XXYLT1: variants seen among roughly 807,000 people sequenced by gnomAD.
The protein encoded by XXYLT1 is xyloside xylosyltransferase 1, also known as UDP-xylose:alpha-xyloside alpha-1,3-xylosyltransferase.
Under a neutral mutation model 28.9 loss-of-function variants are expected in XXYLT1, and 20 were observed. The observed-to-expected ratio is 0.69, with a 90% CI of 0.49 to 1.00. The LOEUF is 1.00. XXYLT1 is among the 50% of genes least tolerant of loss of function. XXYLT1 has a pLI of 0.00. For synonymous variants in XXYLT1, 257 were observed against 253.8 expected, an observed-to-expected ratio of 1.01 and a Z score of -0.12; for missense variants, 542 against 560.1, an observed-to-expected ratio of 0.97 and a Z score of 0.33.
At chr3:195,215,917 G>T (rs1577157903) in intron 2 of XXYLT1, among the ~76,000 whole-genome samples, 1 of 151,988 alleles carries the variant, frequency 6.6e-6, no homozygotes, top group African/African-American at 2.4e-5. Flanking sequence ...ACCACATACT[G>T]GGAAGTAAAG....
intron 2 of XXYLT1, among the ~76,000 whole-genome samples, chr3:195,177,839 G>A (rs1039302571): frequency 6.6e-6 from 1 of 151,788 alleles, no homozygotes; most frequent in African/African-American, 2.4e-5. Context: ...GGAGGCTGAA[G>A]TGGGGTAATT....
chr3:195,169,727 AAC>A (rs1159691472), intron 2 of XXYLT1, among the ~76,000 whole-genome samples: 1 of 151,794 alleles, frequency 6.6e-6, no homozygotes, highest in Non-Finnish European at 1.5e-5. Context: ...ACTATATACA[AAC>A]ACACACACAC....
At chr3:195,179,150 G>A (rs992952086) in intron 2 of XXYLT1, among the ~76,000 whole-genome samples, 1 of 151,952 alleles carries the variant, frequency 6.6e-6, no homozygotes, top group Non-Finnish European at 1.5e-5. Context: ...GACCATCTTG[G>A]GCAATATGGT....
Position 195,238,066 on chromosome 3 carries a change from G to A in XXYLT1, c.505-11210C>T, listed in dbSNP as rs146928815. On this transcript the variant is annotated intron_variant, in intron 1 of 3. Coordinates refer to ENST00000310380, the MANE Select transcript of XXYLT1 (RefSeq NM_152531.5). ...TCTCCCTGGCTTCAAGACCTCCGAC[G>A]ACTCGTCGCTCCCTTAGTTACAGTC... is the stretch of plus-strand genomic sequence containing the variant. Among the ~76,000 whole-genome samples the A allele has an allele frequency of 2.0e-3, 303 of 152,180 alleles. 2 individuals carry two copies. The highest frequency in any genetic ancestry group is 6.7e-3 in the African/African-American group (279 of 41,506).
intron 2 of XXYLT1, among the ~76,000 whole-genome samples, chr3:195,212,074 G>A (rs1323673322): frequency 7.3e-6 from 1 of 137,380 alleles, no homozygotes; most frequent in Non-Finnish European, 1.5e-5. Context: ...AGGAGAGGGG[G>A]CAAGCCACGG....
At chr3:195,233,071 G>C (rs1390763458) in intron 1 of XXYLT1, among the ~76,000 whole-genome samples, 1 of 152,090 alleles carries the variant, frequency 6.6e-6, no homozygotes, top group East Asian at 1.9e-4. Context: ...AGTGTTGGAT[G>C]CATATATAAC....
intron 1 of XXYLT1, among the ~76,000 whole-genome samples, chr3:195,261,023 C>A (rs926145694): frequency 6.6e-6 from 1 of 152,238 alleles, no homozygotes; most frequent in African/African-American, 2.4e-5. Flanking sequence ...TCCTGAAGTG[C>A]CTCCTGCTGC....
At position 195,195,848 on chromosome 3, in the gene XXYLT1, C is replaced by T. The variant is rs1452006042; in HGVS notation, c.652+30861G>A. Reference sequence around the variant, plus strand: ...CCATGGTCTAGACACAGTCCTGTTGCATTGAAGTATCCAATGAGCTCCAGT... The same window carrying T: ...CCATGGTCTAGACACAGTCCTGTTGTATTGAAGTATCCAATGAGCTCCAGT... On this transcript the variant is annotated intron_variant, in intron 2 of 3. Coordinates refer to ENST00000310380, the MANE Select transcript of XXYLT1 (RefSeq NM_152531.5). The surrounding 1 kb of genome is among the most constrained non-coding windows in gnomAD (Gnocchi z 4.4). Among the ~76,000 whole-genome samples, 2 of 152,198 alleles carry T rather than the reference C, an allele frequency of 1.3e-5. No individual in the cohort carries two copies. The highest frequency in any genetic ancestry group is 4.8e-5 in the African/African-American group (2 of 41,442).
intron 1 of XXYLT1, among the ~76,000 whole-genome samples, chr3:195,242,780 T>C (rs1317028722): frequency 2.0e-5 from 3 of 152,202 alleles, no homozygotes; most frequent in African/African-American, 7.2e-5. Context: ...CATGATGTTC[T>C]GAACACAAGG....
intron 3 of XXYLT1, among the ~76,000 whole-genome samples, chr3:195,072,748 A>G (rs955685248): frequency 6.6e-6 from 1 of 152,178 alleles, no homozygotes. Context: ...AGCGATGTTC[A>G]GGGGGCCCTT....
chr3:195,087,743 G>T (rs1269038589), intron 3 of XXYLT1, among the ~76,000 whole-genome samples: 2 of 152,338 alleles, frequency 1.3e-5, no homozygotes, highest in African/African-American at 4.8e-5. Context: ...GCAGAAGACG[G>T]TGATTTCTGC....
intron 1 of XXYLT1, among the ~76,000 whole-genome samples, chr3:195,250,755 T>C (rs540702951): frequency 2.0e-5 from 3 of 152,324 alleles, no homozygotes; most frequent in African/African-American, 7.2e-5. Context: ...AACGAGACAT[T>C]TTAACAGCTC....
At chr3:195,110,182 G>GCA in intron 3 of XXYLT1, among the ~76,000 whole-genome samples, 1 of 71,650 alleles carries the variant, frequency 1.4e-5, no homozygotes, top group Non-Finnish European at 3.5e-5. Context: ...GAGTATGTGT[G>GCA]TGTGTGGGTG....
intron 3 of XXYLT1, among the ~76,000 whole-genome samples, chr3:195,092,878 C>A (rs1716191615): frequency 9.0e-6 from 1 of 110,610 alleles, no homozygotes; most frequent in African/African-American, 4.8e-5. Flanking sequence ...AGGACATGAA[C>A]AGATACTTCT....
chr3:195,270,614 C>T lies in XXYLT1; in HGVS notation c.445G>A (p.Glu149Lys). 6.7e-7 allele frequency: 1 copy of T among 1,492,454 alleles called. No homozygotes were observed. Among genetic ancestry groups the T allele is most frequent in the Non-Finnish European group, 8.9e-7 (1 of 1,122,028 alleles). 92.5% of individuals were successfully genotyped at this position (1,492,454 alleles called of 1,614,324 possible). Residue 149 changes from glutamate to lysine, a missense_variant, in exon 1 of 4, where the codon GAG becomes AAG. Transcript: ENST00000310380. ...TCCCGCAGCAGGCCCTTGGCCACCTCGCGGCTGGCCTCCTCGCTCACGAAG... is the reference window on the plus strand; with the variant it reads ...TCCCGCAGCAGGCCCTTGGCCACCTTGCGGCTGGCCTCCTCGCTCACGAAG... ...LHFVSEEASR[E>K]VAKGLLRELL...
intron 3 of XXYLT1, among the ~76,000 whole-genome samples, chr3:195,102,075 G>A (rs901350170): frequency 3.9e-5 from 5 of 128,860 alleles, no homozygotes; most frequent in Non-Finnish European, 6.5e-5. Flanking sequence ...AGGAGGAAGG[G>A]AAGGGAAAGG....
chr3:195,247,575 C>T (rs1223773362), intron 1 of XXYLT1, among the ~76,000 whole-genome samples: 2 of 152,232 alleles, frequency 1.3e-5, no homozygotes, highest in Non-Finnish European at 2.9e-5. Flanking sequence ...TGGCCCCCCA[C>T]CTCCTTCCTG....
At chr3:195,155,034 G>T (rs990127489) in intron 3 of XXYLT1, among the ~76,000 whole-genome samples, 1 of 152,116 alleles carries the variant, frequency 6.6e-6, no homozygotes, top group African/African-American at 2.4e-5. Flanking sequence ...CTCTCAAGTC[G>T]CCAACCCCTG....
chr3:195,224,882 C>T (rs772058744), intron 2 of XXYLT1, among the ~76,000 whole-genome samples: 2 of 152,220 alleles, frequency 1.3e-5, no homozygotes, highest in African/African-American at 4.8e-5. Flanking sequence ...TAGGCACATA[C>T]GTGGCTAATG....
Sources: allele counts gnomAD v4.1 joint callset (sites outside exome capture counted in the v4.1 genomes callset), GRCh38; gene constraint gnomAD v4.1.1; non-coding constraint Gnocchi (gnomAD v3.1); transcripts MANE v1.5; gene names NCBI Gene and HGNC (gene_info 2026-07-23, HGNC 2026-07-21).